Variants in OR10J1 observed in about 807,000 individuals in gnomAD.
OR10J1 encodes the protein olfactory receptor family 10 subfamily J member 1, also known as olfactory receptor 10J1.
For synonymous variants in OR10J1, 202 were observed against 143.8 expected (o/e 1.40, Z -2.89); for missense variants, 474 against 376.6 (o/e 1.26, Z -2.14).
At chr1:159,427,100 T>A in the OR10J1 span, among the ~76,000 whole-genome samples, 3 of 151,820 alleles carry the variant, frequency 2.0e-5, no homozygotes, top group Non-Finnish European at 3.0e-5. Flanking sequence ...AGCATTTAAA[T>A]AAACTATGAG....
the OR10J1 span, among the ~76,000 whole-genome samples, chr1:159,418,643 G>A: frequency 0.093 from 14,180 of 152,212 alleles, 2,168 homozygotes; most frequent in African/African-American, 0.32. Context: ...AGGAAAATGC[G>A]TGGTTGAAGC....
At chr1:159,427,686 A>G in the OR10J1 span, among the ~76,000 whole-genome samples, 1 of 152,080 alleles carries the variant, frequency 6.6e-6, no homozygotes, top group Non-Finnish European at 1.5e-5. Context: ...ACAAAAAACA[A>G]CATCATGCTC....
rs780104062 is a variant in OR10J1, at chr1:159,440,112, T to G, written c.321T>G (p.Phe107Leu). ...CACAGATGTTCTTTTTTGTAACCTT[T>G]GGCATCACTAACTGCTTCCTGCTCA... The part of the protein sequence containing the change: ...CATQMFFFVT[F>L]GITNCFLLTA... The change falls in exon 1 of 1, where the codon TTT (phenylalanine) becomes TTG (leucine). Residue 107 changes from phenylalanine to leucine, a missense_variant. Coordinates refer to ENST00000423932, the MANE Select transcript of OR10J1 (RefSeq NM_012351.3). The G allele has an allele frequency of 6.2e-7, 1 of 1,614,156 alleles. No homozygotes were observed. The highest frequency in any genetic ancestry group is 2.2e-5 in the East Asian group (1 of 44,882).
chr1:159,414,428 T>C, the OR10J1 span, among the ~76,000 whole-genome samples: 1 of 152,174 alleles, frequency 6.6e-6, no homozygotes, highest in Admixed American at 6.6e-5. Flanking sequence ...GATTTCATTC[T>C]TTTTATGGTC....
At chr1:159,425,636 G>T in the OR10J1 span, among the ~76,000 whole-genome samples, 2 of 152,008 alleles carry the variant, frequency 1.3e-5, no homozygotes, top group Admixed American at 6.6e-5. Flanking sequence ...ATAGTAAGCT[G>T]CATGGCTCAG....
At chr1:159,437,829 C>T (rs894555185), upstream of OR10J1, 1 of 152,246 alleles carries the variant, frequency 6.6e-6, no homozygotes, top group African/African-American at 2.4e-5. Context: ...TCAAGAATGC[C>T]TATGACTCTC....
upstream of OR10J1, among the ~76,000 whole-genome samples, chr1:159,437,236 T>C (rs2101705691): frequency 6.6e-6 from 1 of 152,310 alleles, no homozygotes; most frequent in Non-Finnish European, 1.5e-5. Context: ...GAGAGAATCT[T>C]TGGATCTAAA....
chr1:159,433,714 A>G (rs1655654699), upstream of OR10J1, among the ~76,000 whole-genome samples: 1 of 152,124 alleles, frequency 6.6e-6, no homozygotes, highest in Non-Finnish European at 1.5e-5. Context: ...TCCTTAGTCA[A>G]TCACTGTACC....
chr1:159,433,079 A>G, upstream of OR10J1: 1 of 447,760 alleles, frequency 2.2e-6, no homozygotes, highest in Non-Finnish European at 4.0e-6. Flanking sequence ...ATACAGCCTG[A>G]GGAACAAAGA....
At chr1:159,421,246 G>C in the OR10J1 span, among the ~76,000 whole-genome samples, 1 of 151,156 alleles carries the variant, frequency 6.6e-6, no homozygotes, top group African/African-American at 2.4e-5. Flanking sequence ...ATTTCTGTTA[G>C]GTTCTTTTTT....
chr1:159,439,939 C>T lies in OR10J1; in HGVS notation c.148C>T (p.Arg50Ter), dbSNP rs775248412. The change falls in exon 1 of 1, where the codon CGA becomes TGA. Residue 50 changes from arginine to a stop codon, truncating the protein, a stop_gained. Coordinates refer to ENST00000423932, the MANE Select transcript of OR10J1 (RefSeq NM_012351.3). LOFTEE classifies it low-confidence loss of function (END_TRUNC). ...AGNIIIVTII[R>*]MDLHLHTPMY... ...CAATATCATCATTGTGACCATCATC[C>T]GAATGGATCTTCATCTTCACACACC... The T allele has an allele frequency of 2.5e-5, 41 of 1,613,962 alleles. No homozygotes were observed. Among genetic ancestry groups the T allele is most frequent in the Non-Finnish European group, 2.8e-5 (33 of 1,179,988 alleles).
At chr1:159,421,154 T>A in the OR10J1 span, among the ~76,000 whole-genome samples, 2 of 152,124 alleles carry the variant, frequency 1.3e-5, no homozygotes, top group Non-Finnish European at 2.9e-5. Context: ...AGTTTTGAGA[T>A]TTTTTGTCTG....
chr1:159,416,385 A>T, the OR10J1 span, among the ~76,000 whole-genome samples: 5 of 149,854 alleles, frequency 3.3e-5, no homozygotes, highest in African/African-American at 1.2e-4. Context: ...GACTTTTTTT[A>T]TCATGGGGGA....
At chr1:159,412,124 T>C in the OR10J1 span, among the ~76,000 whole-genome samples, 1 of 151,938 alleles carries the variant, frequency 6.6e-6, no homozygotes, top group East Asian at 1.9e-4. Context: ...GGAAGCCATC[T>C]TACAAGGGAC....
chr1:159,432,866 A>C, upstream of OR10J1: 1 of 414,402 alleles, frequency 2.4e-6, no homozygotes, highest in Non-Finnish European at 4.3e-6. Flanking sequence ...CTATGTCCTA[A>C]TTGTCACCAC....
In OR10J1 at chr1:159,440,720, G is replaced by T; in HGVS notation, c.929G>T (p.Ter310LeuextTer21). The stretch of plus-strand genomic sequence containing the variant: ...AGGGCTGTTGGTGGGAAGTTTTCCT[G>T]ACCATGTAGGAAGAGTTCTCCTGAG... Reference protein sequence around the residue: ...LCRAVGGKFS* With the variant: ...LCRAVGGKFSL Residue 310 changes from the stop codon to leucine, a stop_lost, in exon 1 of 1, where the codon TGA (stop) becomes TTA (leucine). Coordinates refer to ENST00000423932, the MANE Select transcript of OR10J1 (RefSeq NM_012351.3). The T allele has an allele frequency of 6.2e-7, 1 of 1,607,228 alleles. No homozygotes were observed. The highest frequency in any genetic ancestry group is 1.1e-5 in the South Asian group (1 of 90,386).
rs140818033 is a variant in OR10J1, at chr1:159,440,372, A to T, written c.581A>T (p.Asn194Ile). The T allele has an allele frequency of 2.5e-6, 4 of 1,614,162 alleles. No individual in the cohort carries two copies. The highest frequency in any genetic ancestry group is 3.3e-5 in the Admixed American group (2 of 60,016). ...MKLSCIDTTV[N>I]EILTLIISVL... The stretch of plus-strand genomic sequence containing the variant: ...CTCTCCTGCATTGACACCACTGTCA[A>T]TGAAATCCTGACTTTGATTATCAGT... Residue 194 changes from asparagine to isoleucine, a missense_variant, in exon 1 of 1, where the codon AAT becomes ATT. Asn to Ile is a moderately radical substitution (Grantham distance 149). Coordinates refer to ENST00000423932, the MANE Select transcript of OR10J1 (RefSeq NM_012351.3).
the OR10J1 span, among the ~76,000 whole-genome samples, chr1:159,431,889 C>T: frequency 2.0e-5 from 3 of 152,208 alleles, no homozygotes; most frequent in East Asian, 1.9e-4. Flanking sequence ...ATTTTTAACA[C>T]GATATTTTCA....
chr1:159,412,386 C>G, the OR10J1 span, among the ~76,000 whole-genome samples: 1 of 151,336 alleles, frequency 6.6e-6, no homozygotes, highest in Middle Eastern at 3.4e-3. Flanking sequence ...CAAGTCAATC[C>G]TAAGCCAAAA....
Sources: gnomAD v4.1 joint callset for allele counts (sites outside exome capture counted in the v4.1 genomes callset) on GRCh38, gnomAD v4.1.1 for gene constraint, MANE v1.5 for transcripts, NCBI Gene and HGNC (gene_info 2026-07-23, HGNC 2026-07-21) for gene names.